Variants in DNAH7 observed in about 807,000 individuals in gnomAD.
DNAH7 encodes axonemal beta dynein heavy chain 7.
In DNAH7, 397 loss-of-function variants were observed where a neutral mutation model predicts 444.6. The observed-to-expected ratio is 0.89, with a 90% CI of 0.82 to 0.97. The LOEUF (loss-of-function observed/expected upper bound fraction) is 0.97, where lower values mean the gene tolerates loss of function less well. DNAH7 is among the 50% of genes least tolerant of loss of function. The pLI is 0.00. For missense variants in DNAH7, 4,902 were observed against 4,800.8 expected (o/e 1.02, Z -0.62); for synonymous variants, 1,636 against 1,624.4 (o/e 1.01, Z -0.17).
At chr2:195,970,377 TG>T (rs1204552377) in intron 16 of DNAH7, among the ~76,000 whole-genome samples, 1 of 152,222 alleles carries the variant, frequency 6.6e-6, no homozygotes, top group Non-Finnish European at 1.5e-5. Context: ...TAGACAATGG[TG>T]ATCTTTAATA....
chr2:195,820,869 A>G (rs1308081697), intron 49 of DNAH7, among the ~76,000 whole-genome samples: 5 of 152,256 alleles, frequency 3.3e-5, no homozygotes, highest in African/African-American at 9.6e-5. Flanking sequence ...AACCCAATAC[A>G]GGCAGCTTAT....
Position 195,739,605 on chromosome 2 carries a change from A to G in DNAH7, c.11868+1161T>C, listed in dbSNP as rs575244111. ...TTGTAATCTTTAATCTGCAAATTTC[A>G]CATTTTCAAGTCAAAGTATAAGAAA... On this transcript the variant is annotated intron_variant, in intron 64 of 64. Coordinates refer to ENST00000312428, the MANE Select transcript of DNAH7 (RefSeq NM_018897.3). Among the ~76,000 whole-genome samples, 4 of 152,328 alleles carry G rather than the reference A, an allele frequency of 2.6e-5. No homozygotes were observed. In the South Asian group the frequency reaches 8.3e-4, roughly 32 times the overall value.
intron 49 of DNAH7, among the ~76,000 whole-genome samples, chr2:195,822,095 C>A (rs895932980): frequency 1.1e-4 from 17 of 152,150 alleles, no homozygotes; most frequent in Non-Finnish European, 1.9e-4. Context: ...ATGAGATAAG[C>A]AATTTTTAAA....
intron 50 of DNAH7, 65 bp downstream of exon 50, chr2:195,817,631 G>T: frequency 6.8e-7 from 1 of 1,461,740 alleles, no homozygotes; most frequent in African/African-American, 1.4e-5. Context: ...TCTGTAAAAT[G>T]TATTTTAATT....
intron 46 of DNAH7, among the ~76,000 whole-genome samples, chr2:195,849,391 T>C (rs1699211928): frequency 1.3e-5 from 2 of 152,312 alleles, no homozygotes; most frequent in South Asian, 4.1e-4. Flanking sequence ...TAACGTGGCA[T>C]AGTTACAGAT....
chr2:195,813,689 C>T (rs1039777573), intron 51 of DNAH7, among the ~76,000 whole-genome samples: 5 of 152,186 alleles, frequency 3.3e-5, no homozygotes, highest in Admixed American at 1.3e-4. Context: ...GGTGAGATTC[C>T]TCTCTGTCTT....
At position 195,888,532 on chromosome 2, in the gene DNAH7, G is replaced by T. The variant is rs1461702476; in HGVS notation, c.5230-98C>A. 5.6e-6 allele frequency: 7 copies of T among 1,250,468 alleles called. No homozygotes were observed. The African/African-American group carries it at 9.4e-5, about 17-fold the overall frequency. 77.5% of individuals were successfully genotyped at this position (1,250,468 alleles called of 1,614,324 possible). The stretch of plus-strand genomic sequence containing the variant: ...TTTTATAACCTTCAGCAAAGTCTTG[G>T]GCGGGGGGAAGCTTAATATTATATA... On this transcript the variant is annotated intron_variant, in intron 32 of 64. Transcript: ENST00000312428.
intron 21 of DNAH7, among the ~76,000 whole-genome samples, chr2:195,928,824 G>A (rs1364137567): frequency 6.6e-6 from 1 of 152,038 alleles, no homozygotes; most frequent in Non-Finnish European, 1.5e-5. Context: ...ATTTGTGGGA[G>A]AGTCTGACAC....
At chr2:195,957,493 A>C in intron 18 of DNAH7, 46 bp from the exon 19 acceptor site, 13 of 1,420,614 alleles carry the variant, frequency 9.2e-6, no homozygotes, top group Non-Finnish European at 1.2e-5. Context: ...AAACCAAGCA[A>C]ATGTTTCAAA....
chr2:195,950,851 CAAAAAAAAAAAAAA>C (rs67782183), intron 19 of DNAH7, among the ~76,000 whole-genome samples: 6 of 36,716 alleles, frequency 1.6e-4, no homozygotes, highest in Middle Eastern at 0.033. Context: ...GACTCTGTCT[CAAAAAAAAAAAAAA>C]AAAAAAAAAA....
At chr2:195,768,187 A>C (rs1694673297) in intron 61 of DNAH7, among the ~76,000 whole-genome samples, 1 of 147,790 alleles carries the variant, frequency 6.8e-6, no homozygotes, top group East Asian at 2.0e-4. Context: ...TAATATATAT[A>C]TCTTTTATAT....
rs1285707377 is a variant in DNAH7, at chr2:195,796,739, T to C, written c.10354-2A>G. 2.5e-6 allele frequency: 4 copies of C among 1,611,626 alleles called. No homozygotes were observed. The highest frequency in any genetic ancestry group is 1.3e-5 in the African/African-American group (1 of 74,778). On this transcript the variant is annotated splice_acceptor_variant, in intron 55 of 64. Transcript: ENST00000312428. LOFTEE classifies it high-confidence loss of function. ...GCTAAGTTTTGATCCCCCATATCCC[T>C]GTGTACAAGAATAGTAGAGATGTTA... is the stretch of plus-strand genomic sequence containing the variant.
At position 196,051,183 on chromosome 2, in the gene DNAH7, T is replaced by C. The variant is rs942628136; in HGVS notation, c.141+4A>G. On this transcript the variant is annotated splice_donor_region_variant and intron_variant, in intron 3 of 64. Transcript: ENST00000312428. ...TTCAATGAGAATATATTTGGATAAGTTACCATAGACAGCTGTGGTAAAGCT... is the reference window on the plus strand; with the variant it reads ...TTCAATGAGAATATATTTGGATAAGCTACCATAGACAGCTGTGGTAAAGCT... 2.5e-6 allele frequency: 4 copies of C among 1,612,386 alleles called. No individual in the cohort carries two copies. The African/African-American group carries it at 4.0e-5, about 16-fold the overall frequency.
At chr2:195,784,258 T>TC (rs1485739251) in intron 58 of DNAH7, among the ~76,000 whole-genome samples, 1 of 152,086 alleles carries the variant, frequency 6.6e-6, no homozygotes, top group African/African-American at 2.4e-5. Context: ...ACCTATTCAT[T>TC]TTTTTTTCCT....
At chr2:195,810,436 C>CTCA (rs923304889) in intron 51 of DNAH7, among the ~76,000 whole-genome samples, 4 of 152,104 alleles carry the variant, frequency 2.6e-5, no homozygotes, top group African/African-American at 9.7e-5. Flanking sequence ...GAGACAGGGT[C>CTCA]TCACTCTGTC....
At chr2:195,916,287 T>C (rs868451746) in intron 24 of DNAH7, among the ~76,000 whole-genome samples, 4 of 152,142 alleles carry the variant, frequency 2.6e-5, no homozygotes, top group Non-Finnish European at 4.4e-5. Flanking sequence ...ACTTGAAAAA[T>C]TGGACTCATA....
At chr2:195,857,822 T>C in intron 43 of DNAH7, 99 bp from the exon 44 acceptor site, 1 of 1,038,780 alleles carries the variant, frequency 9.6e-7, no homozygotes, top group Non-Finnish European at 1.4e-6. Context: ...AAACTCACTG[T>C]GTTCACTGGG....
At chr2:195,835,328 A>G (rs1006056529) in intron 47 of DNAH7, among the ~76,000 whole-genome samples, 1 of 151,198 alleles carries the variant, frequency 6.6e-6, no homozygotes, top group Non-Finnish European at 1.5e-5. Flanking sequence ...GAGCAGAGCC[A>G]ATTCATTTAG....
chr2:195,854,746 C>T (rs2125051002), intron 45 of DNAH7, among the ~76,000 whole-genome samples: 1 of 152,098 alleles, frequency 6.6e-6, no homozygotes, highest in South Asian at 2.1e-4. Context: ...TTTTATATTA[C>T]CATAATTTTC....
Sources: gnomAD v4.1 joint callset for allele counts (sites outside exome capture counted in the v4.1 genomes callset) on GRCh38, gnomAD v4.1.1 for gene constraint, MANE v1.5 for transcripts, NCBI Gene and HGNC (gene_info 2026-07-23, HGNC 2026-07-21) for gene names.